Variants in DSCAML1 observed in about 807,000 individuals in gnomAD.
The protein encoded by DSCAML1 is cell adhesion molecule DSCAML1.
DSCAML1 carries 38 observed loss-of-function variants against 200.5 expected under a neutral mutation model. That is an observed-to-expected ratio of 0.19 (90% CI 0.15 to 0.25). DSCAML1 has a LOEUF of 0.25. Among genes scored for constraint, DSCAML1 ranks in the 10% least tolerant of loss-of-function variants. The probability of loss-of-function intolerance (pLI) is 1.00; values close to 1 mark genes in which losing one functional copy is unlikely to be tolerated. For missense variants in DSCAML1, 2,223 were observed against 2,858.8 expected (o/e 0.78, Z 5.07); for synonymous variants, 1,215 against 1,165.0 (o/e 1.04, Z -0.87).
upstream of DSCAML1, among the ~76,000 whole-genome samples, chr11:117,799,720 G>A (rs924323996): frequency 2.0e-5 from 3 of 152,232 alleles, no homozygotes; most frequent in Non-Finnish European, 4.4e-5. Flanking sequence ...CTGTGTGCCT[G>A]GGAAATGTAT....
In DSCAML1 at chr11:117,521,281, C is replaced by T. The variant is rs148164975; in HGVS notation, c.1062G>A (p.Leu354=). 10 of 1,614,096 alleles carry T rather than the reference C, an allele frequency of 6.2e-6. No individual in the cohort carries two copies. In the African/African-American group the frequency reaches 1.2e-4, roughly 19 times the overall value. ...TGGAGATGGCCTCGTCAGGCAGCAC[C>T]AGCTCCGTGTTGCGATACCAGCGGA... ...FTIRWYRNTE[L]VLPDEAISIR... The change falls in exon 6 of 33, where the codon CTG becomes CTA. Residue 354 remains leucine (L), a synonymous_variant. Transcript: ENST00000651296.
chr11:117,786,876 C>A (rs1187216087), intron 1 of DSCAML1, among the ~76,000 whole-genome samples: 1 of 152,162 alleles, frequency 6.6e-6, no homozygotes, highest in African/African-American at 2.4e-5. Context: ...CCTTCAAGGG[C>A]AGCCTCACCC....
intron 3 of DSCAML1, among the ~76,000 whole-genome samples, chr11:117,627,351 G>C (rs1463837225): frequency 6.6e-6 from 1 of 152,132 alleles, no homozygotes; most frequent in Admixed American, 6.5e-5. Flanking sequence ...ATCTGAGGTG[G>C]GTTTTCATTC....
chr11:117,708,613 T>A (rs2053792628), intron 3 of DSCAML1, among the ~76,000 whole-genome samples: 1 of 152,210 alleles, frequency 6.6e-6, no homozygotes, highest in Non-Finnish European at 1.5e-5. Context: ...TTTTGTGTTT[T>A]GAGGAACAGA....
At chr11:117,531,915 A>AAAGGG (rs1184705912) in intron 4 of DSCAML1, among the ~76,000 whole-genome samples, 1,247 of 108,052 alleles carry the variant, frequency 0.012, 34 homozygotes, top group African/African-American at 0.044. Context: ...GAAGGGAAGG[A>AAAGGG]AAGGGAAGGG....
At chr11:117,792,622 A>T (rs1347496025) in intron 1 of DSCAML1, among the ~76,000 whole-genome samples, 1 of 151,968 alleles carries the variant, frequency 6.6e-6, no homozygotes, top group Non-Finnish European at 1.5e-5. Flanking sequence ...GTGAAAGAGC[A>T]TTCTGCCTCA....
chr11:117,582,198 G>C (rs2137462790), intron 3 of DSCAML1, among the ~76,000 whole-genome samples: 1 of 152,358 alleles, frequency 6.6e-6, no homozygotes, highest in South Asian at 2.1e-4. Context: ...TTTTATTTCA[G>C]CTGCTGCTTT....
intron 13 of DSCAML1, 75 bp downstream of exon 13, chr11:117,481,099 C>T (rs773917083): frequency 9.8e-6 from 14 of 1,421,582 alleles, no homozygotes; most frequent in African/African-American, 1.4e-5. Context: ...GGCCCCTGCT[C>T]TTTGAGGTGG....
chr11:117,612,362 G>C (rs1407043699), intron 3 of DSCAML1, among the ~76,000 whole-genome samples: 3 of 152,150 alleles, frequency 2.0e-5, no homozygotes, highest in Non-Finnish European at 2.9e-5. Flanking sequence ...CATCAGTCTG[G>C]AAGGTTTCCA....
chr11:117,540,070 G>A (rs2050239223), intron 3 of DSCAML1, among the ~76,000 whole-genome samples: 1 of 152,202 alleles, frequency 6.6e-6, no homozygotes. Context: ...AGGAAGTATT[G>A]GAGTTGTCAA....
chr11:117,729,861 G>C (rs1380512418), intron 3 of DSCAML1, among the ~76,000 whole-genome samples: 2 of 152,204 alleles, frequency 1.3e-5, no homozygotes, highest in East Asian at 3.8e-4. Flanking sequence ...ATCTGAGATG[G>C]GGAGATTATC....
intron 1 of DSCAML1, among the ~76,000 whole-genome samples, chr11:117,795,000 G>A (rs2055544179): frequency 6.6e-6 from 1 of 152,166 alleles, no homozygotes; most frequent in African/African-American, 2.4e-5. Flanking sequence ...CTTCCATCTC[G>A]AGTTGGACAA....
chr11:117,698,225 G>A (rs2053616435), intron 3 of DSCAML1, among the ~76,000 whole-genome samples: 1 of 152,182 alleles, frequency 6.6e-6, no homozygotes, highest in Admixed American at 6.5e-5. Context: ...AACTGACCCT[G>A]TGTTCAATTC....
chr11:117,595,059 T>TACACATAC (rs1555188419), intron 3 of DSCAML1, among the ~76,000 whole-genome samples: 3 of 143,816 alleles, frequency 2.1e-5, no homozygotes, highest in African/African-American at 7.8e-5. Context: ...GTCTTTCTCT[T>TACACATAC]ACACACACAC....
intron 32 of DSCAML1, among the ~76,000 whole-genome samples, chr11:117,429,826 C>T (rs904538866): frequency 6.6e-6 from 1 of 152,222 alleles, no homozygotes; most frequent in Non-Finnish European, 1.5e-5. Context: ...TTATTGAATC[C>T]TCACGACAGC....
In DSCAML1 at chr11:117,435,705, C is replaced by A. The variant is rs1411175858; in HGVS notation, c.4815G>T (p.Gly1605=). 1 of 1,613,088 alleles carries A rather than the reference C, an allele frequency of 6.2e-7. No homozygotes were observed. The highest frequency in any genetic ancestry group is 8.5e-7 in the Non-Finnish European group (1 of 1,179,176). The change falls in exon 27 of 33, where the codon GGG becomes GGT. Residue 1605 remains glycine, a synonymous_variant. Transcript: ENST00000651296. ...TGCGTACGATGAAGAGCAGTGCCAC[C>A]CCCAGTGTGGCCAGGATGACAGGGC... ...IGCPVILATL[G]VALLFIVRKK...
intron 3 of DSCAML1, among the ~76,000 whole-genome samples, chr11:117,582,212 G>T (rs1205879563): frequency 6.6e-6 from 1 of 152,226 alleles, no homozygotes; most frequent in African/African-American, 2.4e-5. Flanking sequence ...CTGCTTTGTG[G>T]ATGTTGGGCT....
chr11:117,687,677 C>A (rs182302415), intron 3 of DSCAML1, among the ~76,000 whole-genome samples: 7 of 152,140 alleles, frequency 4.6e-5, no homozygotes, highest in Admixed American at 4.6e-4. Context: ...TCCTCTAAAC[C>A]CTGGAAGGTT....
rs1485855771 is a variant in DSCAML1, at chr11:117,547,663, G to A, written c.512-15141C>T. Among the ~76,000 whole-genome samples, 5 of 152,174 alleles carry A rather than the reference G, an allele frequency of 3.3e-5. No individual in the cohort carries two copies. The South Asian group carries it at 6.2e-4, about 19-fold the overall frequency. ...CAACACCCCGCGTGCTATAAAGGCC[G>A]CTCTGCTGCCGTTTAGCAAGCAGCT... On this transcript the variant is annotated intron_variant, in intron 3 of 32. Coordinates refer to ENST00000651296, the MANE Select transcript of DSCAML1 (RefSeq NM_020693.4).
Sources: allele counts gnomAD v4.1 joint callset (sites outside exome capture counted in the v4.1 genomes callset), GRCh38; gene constraint gnomAD v4.1.1; transcripts MANE v1.5; gene names NCBI Gene and HGNC (gene_info 2026-07-23, HGNC 2026-07-21).